The following SDK2 variants were observed in gnomAD, a reference collection of about 807,000 sequenced individuals.
SDK2 encodes the protein protein sidekick-2.
SDK2 carries 105 observed loss-of-function variants against 253.9 expected under a neutral mutation model. The observed-to-expected ratio is 0.41, with a 90% CI of 0.35 to 0.49. SDK2 has a LOEUF of 0.49. SDK2 is among the 20% of genes least tolerant of loss of function. SDK2 has a pLI of 0.06. For missense variants in SDK2, 2,608 were observed against 3,003.0 expected (o/e 0.87, Z 3.07); for synonymous variants, 1,249 against 1,234.9 (o/e 1.01, Z -0.24).
intron 18 of SDK2, among the ~76,000 whole-genome samples, chr17:73,411,235 C>T (rs2063123425): frequency 6.6e-6 from 1 of 152,182 alleles, no homozygotes; most frequent in Admixed American, 6.5e-5. Context: ...AGTTCTGGAC[C>T]ATCCCTCCTT....
chr17:73,418,638 T>C (rs751172197), intron 16 of SDK2, among the ~76,000 whole-genome samples: 4 of 152,252 alleles, frequency 2.6e-5, no homozygotes, highest in Non-Finnish European at 4.4e-5. Context: ...TTTGAACTTA[T>C]GAATACCACA....
chr17:73,414,275 T>G (rs2063162195), intron 18 of SDK2, among the ~76,000 whole-genome samples: 1 of 151,920 alleles, frequency 6.6e-6, no homozygotes, highest in East Asian at 1.9e-4. Flanking sequence ...GTCTTGAACT[T>G]CTGACCTCAG....
At chr17:73,408,866 G>C (rs1179373293) in intron 18 of SDK2, among the ~76,000 whole-genome samples, 1 of 152,196 alleles carries the variant, frequency 6.6e-6, no homozygotes, top group South Asian at 2.1e-4. Context: ...CGGCAATCAA[G>C]AGAATTTGAA....
intron 18 of SDK2, among the ~76,000 whole-genome samples, chr17:73,412,413 C>T (rs1473828252): frequency 6.6e-6 from 1 of 151,674 alleles, no homozygotes; most frequent in African/African-American, 2.4e-5. Flanking sequence ...ACAAGGATTA[C>T]AGGCATGAGC....
intron 1 of SDK2, among the ~76,000 whole-genome samples, chr17:73,559,598 G>GGCCCC (rs2045197420): frequency 9.0e-5 from 11 of 122,160 alleles, no homozygotes; most frequent in African/African-American, 2.9e-4. Flanking sequence ...CGCTCCCTGT[G>GGCCCC]CCCCCCGCCC....
chr17:73,494,972 G>A (rs941994387), intron 2 of SDK2, among the ~76,000 whole-genome samples: 3 of 152,246 alleles, frequency 2.0e-5, no homozygotes, highest in Admixed American at 6.5e-5. Flanking sequence ...CAGAGGAGGC[G>A]GGAGTGAATC....
At chr17:73,413,613 C>G (rs951788157) in intron 18 of SDK2, among the ~76,000 whole-genome samples, 3 of 152,134 alleles carry the variant, frequency 2.0e-5, no homozygotes, top group African/African-American at 7.2e-5. Flanking sequence ...AATCACTTTC[C>G]AAGTGGTTAT....
At chr17:73,363,539 T>C (rs2062658844) in intron 38 of SDK2, among the ~76,000 whole-genome samples, 1 of 152,180 alleles carries the variant, frequency 6.6e-6, no homozygotes, top group African/African-American at 2.4e-5. Context: ...CAGTGGGGGC[T>C]GCTGGGCTTT....
At position 73,500,160 on chromosome 17, in the gene SDK2, T is replaced by C. The variant is rs1448285114; in HGVS notation, c.224+7278A>G. The stretch of plus-strand genomic sequence containing the variant: ...CCATCCTCCCTCCACTCTCCTCCAT[T>C]CTCTGTCCATCCTCCCTCCATTCTC... On this transcript the variant is annotated intron_variant, in intron 2 of 44. Coordinates refer to ENST00000392650, the MANE Select transcript of SDK2 (RefSeq NM_001144952.2). 1.8e-3 allele frequency among the ~76,000 whole-genome samples: 177 copies of C among 97,244 alleles called. 4 individuals carry two copies. Among genetic ancestry groups the C allele is most frequent in the Middle Eastern group, 9.3e-3 (1 of 108 alleles). The allele number at this position is 97,244 out of a possible 152,430, so 63.8% of individuals were successfully genotyped here.
chr17:73,625,215 C>T (rs943483160), intron 1 of SDK2, among the ~76,000 whole-genome samples: 1 of 152,180 alleles, frequency 6.6e-6, no homozygotes, highest in African/African-American at 2.4e-5. Flanking sequence ...CAAGCAGGCA[C>T]CAGGGCGCGA....
At chr17:73,569,550 G>A (rs568834699) in intron 1 of SDK2, among the ~76,000 whole-genome samples, 10 of 151,800 alleles carry the variant, frequency 6.6e-5, no homozygotes, top group Non-Finnish European at 1.0e-4. Context: ...TTGGAATCAC[G>A]TGGTGAGGGA....
intron 40 of SDK2, 88 bp downstream of exon 40, chr17:73,357,991 G>A: frequency 6.3e-7 from 1 of 1,585,308 alleles, no homozygotes; most frequent in South Asian, 1.1e-5. Context: ...CTCAGGCGGA[G>A]GACAGAGGCA....
At chr17:73,574,086 C>G (rs1022868991) in intron 1 of SDK2, among the ~76,000 whole-genome samples, 8 of 151,892 alleles carry the variant, frequency 5.3e-5, no homozygotes, top group African/African-American at 1.9e-4. Context: ...GTCTGCCTGA[C>G]CTCAGGAATG....
intron 18 of SDK2, among the ~76,000 whole-genome samples, chr17:73,413,387 A>G (rs2063155237): frequency 6.6e-6 from 1 of 152,030 alleles, no homozygotes; most frequent in Admixed American, 6.6e-5. Context: ...TTATTTCATT[A>G]TATACTACAA....
chr17:73,627,865 C>T lies in SDK2; in HGVS notation c.64+16160G>A, dbSNP rs150883727. On this transcript the variant is annotated intron_variant, in intron 1 of 44. Transcript: ENST00000392650. ...GAGTTCGAGACCATCCTGGCTAACACGGTGAAACCCCGTCTCCACTACAAA... is the reference window on the plus strand; with the variant it reads ...GAGTTCGAGACCATCCTGGCTAACATGGTGAAACCCCGTCTCCACTACAAA... Among the ~76,000 whole-genome samples, 1,069 of 152,192 alleles carry T rather than the reference C, an allele frequency of 7.0e-3. 10 individuals are homozygous for T. Among genetic ancestry groups the T allele is most frequent in the African/African-American group, 0.025 (1,035 of 41,520 alleles).
chr17:73,547,118 C>G (rs1445083150), intron 1 of SDK2, among the ~76,000 whole-genome samples: 2 of 152,234 alleles, frequency 1.3e-5, no homozygotes, highest in Non-Finnish European at 2.9e-5. Flanking sequence ...TTAGCCAAGT[C>G]TCCTCTTTTG....
chr17:73,426,208 C>G (rs1372982690), intron 12 of SDK2, among the ~76,000 whole-genome samples: 1 of 29,166 alleles, frequency 3.4e-5, no homozygotes, highest in African/African-American at 1.1e-4. Context: ...CCATGCTGGG[C>G]TTTTTTTTTT....
Position 73,483,693 on chromosome 17 carries a change from ATATATATATATATATT to A in SDK2, c.225-11491_225-11476del, listed in dbSNP as rs1567799439. On this transcript the variant is annotated intron_variant, in intron 2 of 44. Transcript: ENST00000392650. Reference sequence around the variant, plus strand: ...TATATATATATATATTTATATATATATATATATATATATATTTTTTTTTTTTTTTAGTAGAGTTGGG... The same window carrying A: ...TATATATATATATATTTATATATATATTTTTTTTTTTTTAGTAGAGTTGGG... 8.8e-4 allele frequency among the ~76,000 whole-genome samples: 58 copies of A among 65,624 alleles called. 1 individual carries two copies. Among genetic ancestry groups the A allele is most frequent in the African/African-American group, 3.9e-3 (57 of 14,730 alleles). The allele number at this position is 65,624 out of a possible 152,430, so 43.1% of individuals were successfully genotyped here.
rs2063165816 is a variant in SDK2, at chr17:73,414,712, T to C, written c.2416A>G (p.Thr806Ala). 8 of 1,613,610 alleles carry C rather than the reference T, an allele frequency of 5.0e-6. No homozygotes were observed. The highest frequency in any genetic ancestry group is 6.8e-6 in the Non-Finnish European group (8 of 1,179,832). The change falls in exon 18 of 45, where the codon ACG becomes GCG. Residue 806 changes from threonine (T) to alanine (A), a missense_variant. Thr to Ala is a moderately conservative substitution (Grantham distance 58). This residue lies in a region of SDK2 where 1,505 missense variants were observed against 1,859.1 expected (regional missense o/e 0.81). Coordinates refer to ENST00000392650, the MANE Select transcript of SDK2 (RefSeq NM_001144952.2). Reference protein sequence around the residue: ...GNVHAEATNSTTIRFTWNAPS... With the variant: ...GNVHAEATNSATIRFTWNAPS... ...GCGTTCCAGGTGAAGCGGATGGTCG[T>C]GGAATTGGTGGCTTCCGCGTGCACA...
Sources: allele counts gnomAD v4.1 joint callset (sites outside exome capture counted in the v4.1 genomes callset), GRCh38; gene constraint gnomAD v4.1.1; regional missense constraint gnomAD v4.1.1; transcripts MANE v1.5; gene names NCBI Gene and HGNC (gene_info 2026-07-23, HGNC 2026-07-21).